Variants in WDR64 observed in about 807,000 individuals in gnomAD.
WDR64 encodes WD repeat-containing protein 64.
In WDR64, 112 loss-of-function variants were observed where a neutral mutation model predicts 139.3. The ratio of observed to expected loss-of-function variants is 0.80; its 90% CI spans 0.69 to 0.94. The LOEUF is 0.94. Among genes scored for constraint, WDR64 ranks in the 40% least tolerant of loss-of-function variants. The pLI is 0.00. For synonymous variants in WDR64, 444 were observed against 437.7 expected (o/e 1.01, Z -0.18); for missense variants, 1,206 against 1,293.1 (o/e 0.93, Z 1.03).
chr1:241,749,804 T>C (rs1669913433), intron 14 of WDR64, 82 bp downstream of exon 14: 1 of 1,443,002 alleles, frequency 6.9e-7, no homozygotes, highest in Non-Finnish European at 9.6e-7. Flanking sequence ...CCCCACCATG[T>C]AACCCCGCTC....
At chr1:241,800,213 GA>G (rs1659481377) in intron 27 of WDR64, among the ~76,000 whole-genome samples, 1 of 152,180 alleles carries the variant, frequency 6.6e-6, no homozygotes, top group Non-Finnish European at 1.5e-5. Context: ...GTCTGTGGGA[GA>G]AAGAGGAGTA....
chr1:241,675,055 T>TCCTGC (rs1666447972), intron 4 of WDR64, among the ~76,000 whole-genome samples: 1 of 23,712 alleles, frequency 4.2e-5, no homozygotes, highest in African/African-American at 1.5e-4. Flanking sequence ...TCCTTCCTTT[T>TCCTGC]CTCCCTTCCT....
intron 8 of WDR64, among the ~76,000 whole-genome samples, chr1:241,692,269 G>C (rs1667331932): frequency 6.6e-6 from 1 of 152,114 alleles, no homozygotes; most frequent in Non-Finnish European, 1.5e-5. Flanking sequence ...CCAAAATTCA[G>C]GAAGTTATTT....
Position 241,757,443 on chromosome 1 carries a change from T to C in WDR64, c.1931T>C (p.Phe644Ser), listed in dbSNP as rs553701202. Residue 644 changes from phenylalanine to serine, a missense_variant, in exon 15 of 28, where the codon TTT becomes TCT. Physicochemically the swap from Phe to Ser is radical, Grantham distance 155. Transcript: ENST00000437684. ...GTCGAGTTGATAGTTGAGAGGAACT[T>C]TTCTCAACCTACTGATGTAAGTTTC... ...PDVELIVERN[F>S]SQPTDNPTMD... 12 of 1,610,482 alleles carry C rather than the reference T, an allele frequency of 7.5e-6. No homozygotes were observed. The highest frequency in any genetic ancestry group is 9.3e-6 in the Non-Finnish European group (11 of 1,178,672).
chr1:241,703,661 C>A lies in WDR64; in HGVS notation c.975-8141C>A, dbSNP rs1034697257. Among the ~76,000 whole-genome samples, 1 of 152,002 alleles carries A rather than the reference C, an allele frequency of 6.6e-6. No individual in the cohort carries two copies. On this transcript the variant is annotated intron_variant, in intron 8 of 27. Transcript: ENST00000437684. The surrounding 1 kb of genome is among the most constrained non-coding windows in gnomAD (Gnocchi z 5.9). ...TATTCAAACAATTATTTATTGGGAG[C>A]CTTCTATATTCAAAGAACCGTTGTG... is the stretch of plus-strand genomic sequence containing the variant.
At chr1:241,767,954 T>C (rs1431968735) in intron 16 of WDR64, among the ~76,000 whole-genome samples, 3 of 152,172 alleles carry the variant, frequency 2.0e-5, no homozygotes, top group Non-Finnish European at 2.9e-5. Flanking sequence ...TACCTACACC[T>C]GTCTGCACTG....
intron 25 of WDR64, 130 bp downstream of exon 25, chr1:241,790,826 A>C (rs1240152538): frequency 1.3e-6 from 1 of 742,360 alleles, no homozygotes; most frequent in Non-Finnish European, 2.1e-6. Flanking sequence ...AAATTACTAT[A>C]AACTTGGTGG....
intron 27 of WDR64, among the ~76,000 whole-genome samples, chr1:241,797,353 T>C (rs1471972674): frequency 6.6e-6 from 1 of 152,194 alleles, no homozygotes; most frequent in Non-Finnish European, 1.5e-5. Flanking sequence ...ACTCTCCTAC[T>C]AGTTCTAGAA....
chr1:241,738,344 G>GT lies in WDR64; in HGVS notation c.1195-18dup, dbSNP rs1669403056. On this transcript the variant is annotated intron_variant, in intron 10 of 27. Coordinates refer to ENST00000437684, the MANE Select transcript of WDR64 (RefSeq NM_001367482.1). ...AGGTGAGTATAAATAGTGGTAAACT[G>GT]TGTTTGTTATTCTTCCAGGTTTTCC... The GT allele has an allele frequency of 1.2e-6, 2 of 1,609,894 alleles. No homozygotes were observed. The highest frequency in any genetic ancestry group is 4.5e-5 in the East Asian group (2 of 44,766).
intron 2 of WDR64, 25 bp downstream of exon 2, chr1:241,660,685 A>G: frequency 6.5e-7 from 1 of 1,544,408 alleles, no homozygotes; most frequent in Admixed American, 2.0e-5. Flanking sequence ...TGTTCATAAT[A>G]TGAAATCCAG....
intron 15 of WDR64, 48 bp from the exon 16 acceptor site, chr1:241,766,170 G>A (rs1368903529): frequency 8.2e-6 from 13 of 1,581,296 alleles, no homozygotes; most frequent in Non-Finnish European, 1.1e-5. Flanking sequence ...TTTGCACCGC[G>A]AATCATGAAT....
At position 241,766,221 on chromosome 1, in the gene WDR64, C is replaced by T; in HGVS notation, c.1951C>T (p.Pro651Ser). 4 of 1,613,392 alleles carry T rather than the reference C, an allele frequency of 2.5e-6. No homozygotes were observed. Among genetic ancestry groups the T allele is most frequent in the Non-Finnish European group, 3.4e-6 (4 of 1,179,616 alleles). ...TTCTGTTTCCTTCGTTCTTCAGAAT[C>T]CCACCATGGATTTATTACGAGTGAA... ...ERNFSQPTDN[P>S]TMDLLRVNCI... Residue 651 changes from proline to serine, a missense_variant, in exon 16 of 28, where the codon CCC (proline) becomes TCC (serine). By Grantham distance (74) the Pro-to-Ser change is moderately conservative (BLOSUM62 -1). Coordinates refer to ENST00000437684, the MANE Select transcript of WDR64 (RefSeq NM_001367482.1).
At chr1:241,768,649 G>T (rs984577469) in intron 16 of WDR64, among the ~76,000 whole-genome samples, 1 of 152,234 alleles carries the variant, frequency 6.6e-6, no homozygotes, top group East Asian at 1.9e-4. Context: ...ATCTCTTGCA[G>T]AAGTAATTTC....
In WDR64 at chr1:241,683,673, C is replaced by G. The variant is rs1223077460; in HGVS notation, c.811C>G (p.Gln271Glu). 2.6e-6 allele frequency: 4 copies of G among 1,551,038 alleles called. No homozygotes were observed. Among genetic ancestry groups the G allele is most frequent in the Non-Finnish European group, 3.5e-6 (4 of 1,146,750 alleles). The change falls in exon 7 of 28, where the codon CAG becomes GAG. Residue 271 changes from glutamine (Q) to glutamate (E), a missense_variant. Transcript: ENST00000437684. Reference protein sequence around the residue: ...QAKSKRKLQNQVLDSKNFKSV... With the variant: ...QAKSKRKLQNEVLDSKNFKSV... ...AAAATCCAAAAGAAAATTACAAAAT[C>G]AGGTCTTAGACTCAAAGAACTTTAA...
chr1:241,691,054 C>T lies in WDR64; in HGVS notation c.974+3459C>T, dbSNP rs146031092. 3.9e-3 allele frequency among the ~76,000 whole-genome samples: 596 copies of T among 152,118 alleles called. 7 individuals carry two copies. The highest frequency in any genetic ancestry group is 0.013 in the African/African-American group (557 of 41,526). ...TTTTGTTTATTTTAATATACTTGTA[C>T]TGCCTGTGTAGTACAGTGTTACTTG... On this transcript the variant is annotated intron_variant, in intron 8 of 27. Coordinates refer to ENST00000437684, the MANE Select transcript of WDR64 (RefSeq NM_001367482.1).
At chr1:241,707,887 T>C (rs1668013884) in intron 8 of WDR64, among the ~76,000 whole-genome samples, 1 of 152,244 alleles carries the variant, frequency 6.6e-6, no homozygotes, top group South Asian at 2.1e-4. Flanking sequence ...TCTAAAGTCA[T>C]ATATTTAGCA....
chr1:241,675,841 G>A (rs1313956584), intron 4 of WDR64, among the ~76,000 whole-genome samples: 2 of 152,168 alleles, frequency 1.3e-5, no homozygotes, highest in Non-Finnish European at 2.9e-5. Flanking sequence ...CTACATGAAT[G>A]TAAGGCTTTG....
intron 13 of WDR64, among the ~76,000 whole-genome samples, chr1:241,745,711 G>T (rs763297585): frequency 6.6e-6 from 1 of 152,022 alleles, no homozygotes; most frequent in Non-Finnish European, 1.5e-5. Flanking sequence ...TTGGCCTCCC[G>T]AGTTGCTGGG....
At chr1:241,739,899 A>T (rs1305753004) in intron 11 of WDR64, among the ~76,000 whole-genome samples, 1 of 152,234 alleles carries the variant, frequency 6.6e-6, no homozygotes, top group African/African-American at 2.4e-5. Flanking sequence ...TGAAGCAACC[A>T]TCAGTCCTCT....
Sources: allele counts gnomAD v4.1 joint callset (sites outside exome capture counted in the v4.1 genomes callset), GRCh38; gene constraint gnomAD v4.1.1; non-coding constraint Gnocchi (gnomAD v3.1); transcripts MANE v1.5; gene names NCBI Gene and HGNC (gene_info 2026-07-23, HGNC 2026-07-21).